PRPF6: variants seen among roughly 807,000 people sequenced by gnomAD.
PRPF6 encodes pre-mRNA-processing factor 6.
A neutral mutation model predicts 118.3 loss-of-function variants in PRPF6; 42 were observed. The observed-to-expected ratio is 0.35, with a 90% CI of 0.28 to 0.46. PRPF6 has a LOEUF of 0.46. PRPF6 is among the 20% of genes least tolerant of loss of function. The pLI, the probability that PRPF6 is intolerant of heterozygous loss-of-function variation, is 1.00. For synonymous variants in PRPF6, 481 were observed against 485.1 expected (o/e 0.99, Z 0.11); for missense variants, 662 against 1,255.7 (o/e 0.53, Z 7.15).
chr20:63,986,345 C>CAA (rs931360870), intron 3 of PRPF6, among the ~76,000 whole-genome samples: 470 of 45,314 alleles, frequency 0.01, 10 homozygotes, highest in African/African-American at 0.034. Context: ...GACTCCATCT[C>CAA]AAAAAAAAAA....
chr20:64,007,639 G>A (rs6011254), intron 9 of PRPF6, among the ~76,000 whole-genome samples: 31,337 of 150,908 alleles, frequency 0.21, 3,588 homozygotes, highest in African/African-American at 0.29. Flanking sequence ...GCTAATTTTT[G>A]TATTTTTTGT....
chr20:64,026,335 C>T lies in PRPF6; in HGVS notation c.2028+277C>T, dbSNP rs530660554. 1.3e-4 allele frequency among the ~76,000 whole-genome samples: 20 copies of T among 149,366 alleles called. No homozygotes were observed. The highest frequency in any genetic ancestry group is 8.7e-4 in the Admixed American group (13 of 14,920). On this transcript the variant is annotated intron_variant, in intron 15 of 20. Transcript: ENST00000266079. This position sits in a 1 kb window ranked among gnomAD's most constrained non-coding sequence, Gnocchi z 4.4. ...CAGCCTGACCAACATGGAGAAACCC[C>T]GTCTCTACTAAAAATACAAAATTAG...
chr20:64,009,935 CG>C (rs2059208381), intron 9 of PRPF6, among the ~76,000 whole-genome samples: 1 of 152,166 alleles, frequency 6.6e-6, no homozygotes, highest in Non-Finnish European at 1.5e-5. Flanking sequence ...GGTTCATTCC[CG>C]TGGTCACTGG....
chr20:63,981,699 C>T (rs1041713451), intron 1 of PRPF6, among the ~76,000 whole-genome samples: 10 of 138,628 alleles, frequency 7.2e-5, no homozygotes, highest in Admixed American at 2.3e-4. Context: ...TCCTCTATGC[C>T]TGCAACACAG....
In PRPF6 at chr20:63,983,173, T is replaced by A; in HGVS notation, c.198T>A (p.Ala66=). Residue 66 remains alanine, a synonymous_variant, in exon 2 of 21, where the codon GCT becomes GCA. Transcript: ENST00000266079. ...VGDQMKKNQA[A]DDDDEDLNDT... ...ACCAGATGAAGAAAAATCAGGCTGC[T>A]GACGATGACGACGAGGATCTAAATG... 1.2e-6 allele frequency: 2 copies of A among 1,614,162 alleles called. No homozygotes were observed. The highest frequency in any genetic ancestry group is 1.7e-6 in the Non-Finnish European group (2 of 1,180,030).
At chr20:64,019,062 G>A (rs1175703598) in intron 12 of PRPF6, among the ~76,000 whole-genome samples, 3 of 150,906 alleles carry the variant, frequency 2.0e-5, no homozygotes, top group East Asian at 1.9e-4. Flanking sequence ...GAGTTAAGAC[G>A]CAGGGCAGCG....
In PRPF6 at chr20:64,002,412, T is replaced by G. The variant is rs535796053; in HGVS notation, c.1186+1173T>G. Among the ~76,000 whole-genome samples the G allele has an allele frequency of 2.6e-5, 4 of 151,884 alleles. No individual in the cohort carries two copies. In the South Asian group the frequency reaches 8.3e-4, roughly 32 times the overall value. On this transcript the variant is annotated intron_variant, in intron 9 of 20. Coordinates refer to ENST00000266079, the MANE Select transcript of PRPF6 (RefSeq NM_012469.4). The stretch of plus-strand genomic sequence containing the variant: ...GTACAGGGGCACGATCTTGGCTCAC[T>G]GCAGCCTCTGCCTCCCGGGTTCAAG...
Position 63,983,218 on chromosome 20 carries a change from G to A in PRPF6, c.240+3G>A. The A allele has an allele frequency of 6.2e-7, 1 of 1,614,228 alleles. No individual in the cohort carries two copies. The highest frequency in any genetic ancestry group is 8.5e-7 in the Non-Finnish European group (1 of 1,180,030). ...TAAATGACACCAATTACGATGAGGT[G>A]AGATGTGTCCGGCTTTCGTGGCTCC... On this transcript the variant is annotated splice_donor_region_variant and intron_variant, in intron 2 of 20. Coordinates refer to ENST00000266079, the MANE Select transcript of PRPF6 (RefSeq NM_012469.4).
chr20:63,994,400 G>A (rs536058550), intron 4 of PRPF6, among the ~76,000 whole-genome samples: 6 of 152,066 alleles, frequency 3.9e-5, no homozygotes, highest in Non-Finnish European at 8.8e-5. Flanking sequence ...CAGGTGATCT[G>A]CCCGCTTTGG....
chr20:64,011,356 C>T lies in PRPF6; in HGVS notation c.1377C>T (p.Asn459=), dbSNP rs759534036. 1.9e-5 allele frequency: 30 copies of T among 1,614,074 alleles called. No homozygotes were observed. The African/African-American group carries it at 3.3e-4, about 18-fold the overall frequency. Reference sequence around the variant, plus strand: ...AGGTCTTGAACAAGGCGCGGGAGAACATTCCTACAGACCGACATATCTGGA... The same window carrying T: ...AGGTCTTGAACAAGGCGCGGGAGAATATTCCTACAGACCGACATATCTGGA... ...ARKVLNKARE[N]IPTDRHIWIT... Residue 459 remains asparagine, a synonymous_variant, in exon 11 of 21, where the codon AAC becomes AAT. Coordinates refer to ENST00000266079, the MANE Select transcript of PRPF6 (RefSeq NM_012469.4). The surrounding 1 kb of genome is among the most constrained non-coding windows in gnomAD (Gnocchi z 6.7).
intron 9 of PRPF6, 39 bp from the exon 10 acceptor site, chr20:64,010,161 C>G (rs2059209732): frequency 1.9e-6 from 3 of 1,556,436 alleles, no homozygotes; most frequent in Admixed American, 1.7e-5. Flanking sequence ...GTTTTTATCT[C>G]CTTTTCTGTG....
chr20:63,991,445 C>T (rs2059118190), intron 3 of PRPF6, among the ~76,000 whole-genome samples: 1 of 152,020 alleles, frequency 6.6e-6, no homozygotes, highest in Non-Finnish European at 1.5e-5. Context: ...AAACAAAAAA[C>T]AGCAGGTGAC....
chr20:64,010,168 T>C lies in PRPF6; in HGVS notation c.1187-32T>C, dbSNP rs755754743. On this transcript the variant is annotated intron_variant, in intron 9 of 20. Coordinates refer to ENST00000266079, the MANE Select transcript of PRPF6 (RefSeq NM_012469.4). ...AGCCTCCTGTTTTTATCTCCTTTTC[T>C]GTGACGTGGTTTCTCGTTTGACCTT... is the stretch of plus-strand genomic sequence containing the variant. 2.5e-6 allele frequency: 4 copies of C among 1,575,582 alleles called. 1 individual carries two copies. In the South Asian group the frequency reaches 4.4e-5, roughly 17 times the overall value.
intron 9 of PRPF6, among the ~76,000 whole-genome samples, chr20:64,008,549 C>A (rs1384798783): frequency 6.6e-6 from 1 of 152,198 alleles, no homozygotes. Flanking sequence ...CAGCTCCTGC[C>A]TTTGGCAGTG....
At chr20:64,032,447 C>T (rs1312613892) in intron 20 of PRPF6, among the ~76,000 whole-genome samples, 3 of 152,328 alleles carry the variant, frequency 2.0e-5, no homozygotes, top group East Asian at 3.9e-4. Context: ...CTCCCACCCG[C>T]CCCGCTAGAG....
At position 63,995,339 on chromosome 20, in the gene PRPF6, C is replaced by T. The variant is rs754621830; in HGVS notation, c.628C>T (p.Leu210Phe). 2.0e-5 allele frequency: 33 copies of T among 1,612,460 alleles called. No individual in the cohort carries two copies. Among genetic ancestry groups the T allele is most frequent in the Non-Finnish European group, 2.8e-5 (33 of 1,179,342 alleles). Residue 210 changes from leucine to phenylalanine, a missense_variant, in exon 6 of 21, where the codon CTT becomes TTT. By Grantham distance (22) the Leu-to-Phe change is conservative. Around this residue, in one of 10 missense-constraint regions of PRPF6, gnomAD observed 97 missense variants for 122.6 expected, o/e 0.79. Coordinates refer to ENST00000266079, the MANE Select transcript of PRPF6 (RefSeq NM_012469.4). ...TCTTCCCCTCCAGCAATTTGGAGGT[C>T]TTAACACACCCTATCCAGGTGGACT... ...VDPRQTQFGG[L>F]NTPYPGGLNT...
intron 3 of PRPF6, among the ~76,000 whole-genome samples, chr20:63,985,800 G>A (rs2059090524): frequency 6.6e-6 from 1 of 152,154 alleles, no homozygotes; most frequent in South Asian, 2.1e-4. Context: ...GGATCTGATT[G>A]CTTCATTGCT....
At chr20:64,007,046 G>A (rs186600757) in intron 9 of PRPF6, among the ~76,000 whole-genome samples, 2 of 152,236 alleles carry the variant, frequency 1.3e-5, no homozygotes, top group African/African-American at 4.8e-5. Context: ...GAGGTTGTCA[G>A]TGTGGGCTGA....
rs780992789 is a variant in PRPF6 at position 64,026,205 on chromosome 20, T to C, written c.2028+147T>C. On this transcript the variant is annotated intron_variant, in intron 15 of 20. Coordinates refer to ENST00000266079, the MANE Select transcript of PRPF6 (RefSeq NM_012469.4). The surrounding 1 kb of genome is among the most constrained non-coding windows in gnomAD (Gnocchi z 4.4). The stretch of plus-strand genomic sequence containing the variant: ...TCATCTTTGTGATGTGACTAAAACA[T>C]TCATGTGGCCGGGCGTGGTGGCCGG... The C allele has an allele frequency of 2.1e-6, 3 of 1,449,722 alleles. No homozygotes were observed. The highest frequency in any genetic ancestry group is 2.8e-6 in the Non-Finnish European group (3 of 1,069,714). 89.8% of individuals were successfully genotyped at this position (1,449,722 alleles called of 1,614,324 possible). A position where few individuals can be genotyped will look rare whatever the true frequency, so the allele number is the denominator to read the frequency against.
Sources: gnomAD v4.1 joint callset for allele counts (sites outside exome capture counted in the v4.1 genomes callset) on GRCh38, gnomAD v4.1.1 for gene constraint, gnomAD v4.1.1 regional missense constraint, Gnocchi (gnomAD v3.1) non-coding constraint, MANE v1.5 for transcripts, NCBI Gene and HGNC (gene_info 2026-07-23, HGNC 2026-07-21) for gene names.